The following TPRG1 variants were observed in gnomAD, a reference collection of about 807,000 sequenced individuals.
TPRG1 encodes the protein tumor protein p63 regulated 1, also known as tumor protein p63-regulated gene 1 protein.
In TPRG1, 29 loss-of-function variants were observed where a neutral mutation model predicts 29.3. That is an observed-to-expected ratio of 0.99 (90% CI 0.74 to 1.35). TPRG1 has a LOEUF of 1.35. Ranked by LOEUF, TPRG1 falls within the 40% of genes most tolerant of loss-of-function variation. The pLI, the probability that TPRG1 is intolerant of heterozygous loss-of-function variation, is 0.00. For synonymous variants in TPRG1, 130 were observed against 116.8 expected (o/e 1.11, Z -0.73); for missense variants, 327 against 335.0 (o/e 0.98, Z 0.19).
At chr3:189,097,464 A>G (rs530688053), upstream of TPRG1, among the ~76,000 whole-genome samples, 4 of 152,324 alleles carry the variant, frequency 2.6e-5, no homozygotes, top group South Asian at 2.1e-4. Flanking sequence ...TTATATCTCA[A>G]TTGCACAACT....
chr3:189,200,596 G>A (rs767507696), intron 1 of TPRG1, among the ~76,000 whole-genome samples: 8 of 152,124 alleles, frequency 5.3e-5, no homozygotes, highest in Admixed American at 2.6e-4. Context: ...TATTCCCATC[G>A]CTATCCCATC....
intron 5 of TPRG1, among the ~76,000 whole-genome samples, chr3:189,166,582 C>T (rs954745931): frequency 1.3e-5 from 2 of 152,204 alleles, no homozygotes; most frequent in African/African-American, 4.8e-5. Context: ...CAGAGAAATG[C>T]ATAATACCTT....
chr3:189,177,371 G>A (rs1729613769), intron 1 of TPRG1, among the ~76,000 whole-genome samples: 1 of 151,528 alleles, frequency 6.6e-6, no homozygotes, highest in South Asian at 2.1e-4. Flanking sequence ...CAGAGCCGAA[G>A]ATAAAAAATG....
At position 189,288,570 on chromosome 3, in the gene TPRG1, C is replaced by T. The variant is rs372085222; in HGVS notation, c.480-21816C>T. Reference sequence around the variant, plus strand: ...ACCTTGGGGCCTTTGCATTCTATCTCTTCTTAACTCCAGCTAACCTTTGAT... The same window carrying T: ...ACCTTGGGGCCTTTGCATTCTATCTTTTCTTAACTCCAGCTAACCTTTGAT... On this transcript the variant is annotated intron_variant, in intron 4 of 5. Transcript: ENST00000345063. 3.9e-4 allele frequency among the ~76,000 whole-genome samples: 59 copies of T among 152,352 alleles called. No homozygotes were observed. The East Asian group carries it at 0.01, about 27-fold the overall frequency.
At chr3:189,038,272 G>T (rs918525641) in intron 4 of TPRG1, among the ~76,000 whole-genome samples, 1 of 151,946 alleles carries the variant, frequency 6.6e-6, no homozygotes, top group Non-Finnish European at 1.5e-5. Context: ...ATTTGCCTGT[G>T]AAAATTTTAC....
At chr3:189,197,594 T>G (rs1448662680) in intron 1 of TPRG1, among the ~76,000 whole-genome samples, 5 of 152,190 alleles carry the variant, frequency 3.3e-5, no homozygotes, top group African/African-American at 1.2e-4. Flanking sequence ...TGGTTTTGTT[T>G]TACTTTTTCA....
intron 4 of TPRG1, among the ~76,000 whole-genome samples, chr3:189,293,288 C>T (rs1475737830): frequency 6.6e-6 from 1 of 152,098 alleles, no homozygotes; most frequent in Non-Finnish European, 1.5e-5. Flanking sequence ...GGAGGCTCTC[C>T]CCTCCCACTT....
At chr3:189,141,594 AC>A (rs1444778300) in intron 3 of TPRG1, among the ~76,000 whole-genome samples, 1 of 152,230 alleles carries the variant, frequency 6.6e-6, no homozygotes, top group African/African-American at 2.4e-5. Context: ...TAATTACATT[AC>A]TATGGAATAA....
chr3:189,249,711 G>A (rs1275050889), intron 4 of TPRG1, among the ~76,000 whole-genome samples: 1 of 151,908 alleles, frequency 6.6e-6, no homozygotes, highest in African/African-American at 2.4e-5. Flanking sequence ...GTGATTGTAA[G>A]TGTAACTTAA....
At chr3:189,132,836 G>A (rs1723250561) in intron 3 of TPRG1, 1 of 152,198 alleles carries the variant, frequency 6.6e-6, no homozygotes, top group Non-Finnish European at 1.5e-5. Flanking sequence ...TTCCAGTGTA[G>A]TATGTCTATT....
rs1325520592 is a variant in TPRG1, at chr3:189,190,574, A to G, written c.-9-16802A>G. ...CTCTGCACAGAAATTATTTTATTTT[A>G]TTGCCTCCTACGTCTATGATAAGAA... On this transcript the variant is annotated intron_variant, in intron 1 of 5. Coordinates refer to ENST00000345063, the MANE Select transcript of TPRG1 (RefSeq NM_198485.4). Among the ~76,000 whole-genome samples the G allele has an allele frequency of 3.3e-5, 5 of 152,272 alleles. No homozygotes were observed. The South Asian group carries it at 6.2e-4, about 19-fold the overall frequency.
chr3:189,237,276 TACAC>T (rs1027817046), intron 3 of TPRG1, among the ~76,000 whole-genome samples: 3 of 151,842 alleles, frequency 2.0e-5, no homozygotes, highest in South Asian at 2.1e-4. Flanking sequence ...GGAACACACA[TACAC>T]ACACATGCAC....
chr3:189,194,277 G>A (rs547684606), intron 1 of TPRG1, among the ~76,000 whole-genome samples: 27 of 152,232 alleles, frequency 1.8e-4, no homozygotes, highest in African/African-American at 3.1e-4. Context: ...GGTATCAAGC[G>A]CTTTGGGGTT....
At chr3:189,235,575 C>T (rs1020171667) in intron 3 of TPRG1, among the ~76,000 whole-genome samples, 14 of 151,806 alleles carry the variant, frequency 9.2e-5, no homozygotes, top group Non-Finnish European at 1.8e-4. Flanking sequence ...GGGACAAGGG[C>T]GGAAAAAGAC....
intron 4 of TPRG1, among the ~76,000 whole-genome samples, chr3:189,277,846 C>A (rs1196203644): frequency 6.6e-6 from 1 of 152,158 alleles, no homozygotes; most frequent in Non-Finnish European, 1.5e-5. Flanking sequence ...CTTCAACTTA[C>A]TCAAAAATGG....
At chr3:189,256,202 G>T (rs566381015) in intron 4 of TPRG1, among the ~76,000 whole-genome samples, 1 of 152,198 alleles carries the variant, frequency 6.6e-6, no homozygotes, top group African/African-American at 2.4e-5. Flanking sequence ...CAGAGATTTT[G>T]GTATGTTGTG....
At chr3:189,292,937 G>A (rs1307150962) in intron 4 of TPRG1, among the ~76,000 whole-genome samples, 25 of 152,126 alleles carry the variant, frequency 1.6e-4, no homozygotes, top group Admixed American at 1.6e-3. Context: ...GGTGTATTGG[G>A]CTGCTTTCTG....
intron 3 of TPRG1, among the ~76,000 whole-genome samples, chr3:189,144,835 G>T (rs190142401): frequency 1.3e-5 from 2 of 152,164 alleles, no homozygotes; most frequent in Admixed American, 6.5e-5. Flanking sequence ...TTTTAGCAGT[G>T]GACTTAACAC....
chr3:189,305,491 G>A (rs1188612035), intron 4 of TPRG1, among the ~76,000 whole-genome samples: 1 of 152,178 alleles, frequency 6.6e-6, no homozygotes, highest in South Asian at 2.1e-4. Flanking sequence ...AGTATGAGCA[G>A]TTTCTACTGT....
Sources: allele counts gnomAD v4.1 joint callset (sites outside exome capture counted in the v4.1 genomes callset), GRCh38; gene constraint gnomAD v4.1.1; transcripts MANE v1.5; gene names NCBI Gene and HGNC (gene_info 2026-07-23, HGNC 2026-07-21).